The following NFATC1 variants were observed in gnomAD, a reference collection of about 807,000 sequenced individuals.
The protein encoded by NFATC1 is nuclear factor of activated T cells 1, also known as nuclear factor of activated T-cells, cytoplasmic 1.
A neutral mutation model predicts 76.0 loss-of-function variants in NFATC1; 22 were observed. The observed-to-expected ratio is 0.29, with a 90% CI of 0.21 to 0.41. The LOEUF is 0.41. NFATC1 is among the 10% of genes least tolerant of loss of function. NFATC1 has a pLI of 1.00. For missense variants in NFATC1, 1,357 were observed against 1,337.7 expected (o/e 1.01, Z -0.23); for synonymous variants, 704 against 613.1 (o/e 1.15, Z -2.19).
intron 3 of NFATC1, among the ~76,000 whole-genome samples, chr18:79,441,882 AT>A (rs2086989482): frequency 1.3e-5 from 2 of 151,508 alleles, no homozygotes; most frequent in Non-Finnish European, 2.9e-5. Context: ...AATTGATTAG[AT>A]TTAATTAAAT....
intron 2 of NFATC1, among the ~76,000 whole-genome samples, chr18:79,427,723 TGG>T: frequency 1.7e-5 from 1 of 59,882 alleles, no homozygotes; most frequent in Non-Finnish European, 3.0e-5. Flanking sequence ...GGGGGGGTGC[TGG>T]ACGGCTGGCC....
At chr18:79,445,545 A>G (rs1453336927) in intron 3 of NFATC1, among the ~76,000 whole-genome samples, 9 of 152,246 alleles carry the variant, frequency 5.9e-5, no homozygotes, top group African/African-American at 2.2e-4. Flanking sequence ...AGAGGACCCT[A>G]GACGCTGTTC....
At chr18:79,399,055 A>T (rs1260705411) in intron 1 of NFATC1, among the ~76,000 whole-genome samples, 1 of 152,268 alleles carries the variant, frequency 6.6e-6, no homozygotes, top group South Asian at 2.1e-4. Flanking sequence ...TGACAGAGCG[A>T]GACTCCGTCT....
intron 6 of NFATC1, among the ~76,000 whole-genome samples, chr18:79,456,944 T>A (rs1364627036): frequency 2.0e-5 from 3 of 152,230 alleles, no homozygotes; most frequent in Non-Finnish European, 4.4e-5. Flanking sequence ...AGATGTTGGA[T>A]GCTGGCCCCG....
intron 3 of NFATC1, among the ~76,000 whole-genome samples, chr18:79,444,896 G>C (rs2087142639): frequency 6.6e-6 from 1 of 152,258 alleles, no homozygotes; most frequent in East Asian, 1.9e-4. Context: ...ACGCTGCGTG[G>C]CTGTCTCTTG....
chr18:79,489,039 C>G (rs1195311216), intron 9 of NFATC1, among the ~76,000 whole-genome samples: 1 of 152,204 alleles, frequency 6.6e-6, no homozygotes, highest in Non-Finnish European at 1.5e-5. Flanking sequence ...TTGACCCGCA[C>G]GGTGCTCAGG....
chr18:79,400,701 C>T (rs1230802971), intron 1 of NFATC1, among the ~76,000 whole-genome samples: 1 of 151,392 alleles, frequency 6.6e-6, no homozygotes, highest in South Asian at 2.1e-4. Flanking sequence ...GAGCGCAGCC[C>T]GGACACGGGC....
chr18:79,407,110 C>T (rs1189321356), intron 1 of NFATC1, among the ~76,000 whole-genome samples: 1 of 152,260 alleles, frequency 6.6e-6, no homozygotes, highest in East Asian at 1.9e-4. Context: ...GATCAGAGGA[C>T]TTCAGATTCT....
intron 2 of NFATC1, among the ~76,000 whole-genome samples, chr18:79,429,309 T>G (rs112661200): frequency 0.013 from 2,020 of 150,284 alleles, 45 homozygotes; most frequent in African/African-American, 0.047. Flanking sequence ...CCAGACCGGG[T>G]GGACGTTCGT....
intron 1 of NFATC1, chr18:79,400,360 C>T: frequency 2.2e-6 from 3 of 1,391,966 alleles, no homozygotes; most frequent in South Asian, 1.4e-5. Flanking sequence ...GCCGCGACCC[C>T]GGCTCCCGCC....
chr18:79,448,462 C>T (rs1039177143), intron 3 of NFATC1: 4 of 391,484 alleles, frequency 1.0e-5, no homozygotes, highest in African/African-American at 8.1e-5. Context: ...TTGCACATGG[C>T]TCAGCGAGGG....
chr18:79,513,391 C>T (rs950934330), intron 9 of NFATC1, among the ~76,000 whole-genome samples: 3 of 152,222 alleles, frequency 2.0e-5, no homozygotes, highest in African/African-American at 7.2e-5. Flanking sequence ...CCCTTTTCTG[C>T]TCTTCCACCC....
chr18:79,407,540 T>C (rs1251544096), intron 1 of NFATC1, among the ~76,000 whole-genome samples: 22 of 152,202 alleles, frequency 1.4e-4, no homozygotes. Flanking sequence ...CTCTGCCTCC[T>C]GGGCTCAAGC....
chr18:79,406,536 T>A (rs2085444589), intron 1 of NFATC1, among the ~76,000 whole-genome samples: 1 of 152,234 alleles, frequency 6.6e-6, no homozygotes, highest in Non-Finnish European at 1.5e-5. Context: ...GTTCCTAACA[T>A]AATGTTGTTT....
intron 8 of NFATC1, among the ~76,000 whole-genome samples, chr18:79,480,613 C>T (rs1003456330): frequency 5.3e-5 from 8 of 152,146 alleles, no homozygotes; most frequent in African/African-American, 1.4e-4. Flanking sequence ...GGTACCACCG[C>T]GGTTTTAAAC....
intron 2 of NFATC1, among the ~76,000 whole-genome samples, chr18:79,411,931 G>A (rs1321993037): frequency 6.6e-6 from 1 of 152,176 alleles, no homozygotes; most frequent in Non-Finnish European, 1.5e-5. Flanking sequence ...CACGTGCCTG[G>A]CCCCCCTCGG....
In NFATC1 at chr18:79,486,775, C is replaced by A; in HGVS notation, c.2620C>A (p.Arg874Ser). 6.2e-7 allele frequency: 1 copy of A among 1,607,690 alleles called. No homozygotes were observed. Among genetic ancestry groups the A allele is most frequent in the Non-Finnish European group, 8.5e-7 (1 of 1,177,788 alleles). ...CCCAGCGTGCCCGCCCGCCACGGGC[C>A]GCCCGCAGCACCTGCCGTCCACGGT... is the stretch of plus-strand genomic sequence containing the variant. ...CSPACPPATGRPQHLPSTVRR... is the reference protein window; with the variant it reads ...CSPACPPATGSPQHLPSTVRR... Residue 874 changes from arginine to serine, a missense_variant, in exon 9 of 10, where the codon CGC (arginine) becomes AGC (serine). This residue lies in a region of NFATC1 where 424 missense variants were observed against 395.4 expected (regional missense o/e 1.07). Transcript: ENST00000427363.
chr18:79,507,293 C>T (rs528464874), intron 9 of NFATC1, among the ~76,000 whole-genome samples: 7 of 152,374 alleles, frequency 4.6e-5, no homozygotes, highest in African/African-American at 1.4e-4. Flanking sequence ...CGAGGCTGCA[C>T]TCAGAGCTGG....
intron 9 of NFATC1, among the ~76,000 whole-genome samples, chr18:79,522,505 G>C: frequency 8.4e-6 from 1 of 119,586 alleles, no homozygotes; most frequent in Middle Eastern, 4.3e-3. Context: ...GATGTGTTTT[G>C]TGTGGGGGGG....
Sources: gnomAD v4.1 joint callset for allele counts (sites outside exome capture counted in the v4.1 genomes callset) on GRCh38, gnomAD v4.1.1 for gene constraint, gnomAD v4.1.1 regional missense constraint, MANE v1.5 for transcripts, NCBI Gene and HGNC (gene_info 2026-07-23, HGNC 2026-07-21) for gene names.